CWC25: variants seen among roughly 807,000 people sequenced by gnomAD.
The protein encoded by CWC25 is CWC25 spliceosome associated protein, also known as pre-mRNA-splicing factor CWC25 homolog.
In CWC25, 31 loss-of-function variants were observed where a neutral mutation model predicts 54.6. That is an observed-to-expected ratio of 0.57 (90% confidence interval 0.43 to 0.77). The LOEUF (loss-of-function observed/expected upper bound fraction) is 0.77, where lower values mean the gene tolerates loss of function less well. Ranked by LOEUF, CWC25 falls within the 30% of genes least tolerant of loss-of-function variation. CWC25 has a pLI of 0.00. For missense variants in CWC25, 453 were observed against 529.3 expected, an observed-to-expected ratio of 0.86 and a Z score of 1.41; for synonymous variants, 151 against 187.0, an observed-to-expected ratio of 0.81 and a Z score of 1.57.
At chr17:38,814,675 G>A (rs1911624184) in intron 3 of CWC25, among the ~76,000 whole-genome samples, 186 bp downstream of exon 3, 1 of 139,592 alleles carries the variant, frequency 7.2e-6, no homozygotes, top group Non-Finnish European at 1.5e-5. Context: ...GAACCCGGCA[G>A]ACAGAGCTTG....
chr17:38,820,590 T>G (rs1911882728), intron 2 of CWC25, among the ~76,000 whole-genome samples: 1 of 152,188 alleles, frequency 6.6e-6, no homozygotes, highest in African/African-American at 2.4e-5. Flanking sequence ...CCATCCTCCA[T>G]CACGGTTATC....
intron 7 of CWC25, 104 bp from the exon 8 acceptor site, chr17:38,806,499 A>G: frequency 1.9e-6 from 2 of 1,033,574 alleles, no homozygotes; most frequent in Non-Finnish European, 1.4e-6. Flanking sequence ...TTAGAGGTAT[A>G]ATCTAAGTGT....
chr17:38,807,824 T>A (rs1424792049), intron 6 of CWC25, among the ~76,000 whole-genome samples: 1 of 128,640 alleles, frequency 7.8e-6, no homozygotes, highest in Non-Finnish European at 1.7e-5. Context: ...TTTGGGAGGC[T>A]GAGGCAGGCA....
chr17:38,812,513 G>C (rs1010144817), intron 4 of CWC25, among the ~76,000 whole-genome samples: 1 of 152,160 alleles, frequency 6.6e-6, no homozygotes, highest in African/African-American at 2.4e-5. Context: ...TGTAATCCCA[G>C]CTACTAGGGA....
At position 38,806,154 on chromosome 17, in the gene CWC25, G is replaced by A. The variant is rs555605529; in HGVS notation, c.1001+143C>T. On this transcript the variant is annotated intron_variant, in intron 8 of 9. Transcript: ENST00000614790. ...TGTCCTCACATGGCTGGAGGCAGGG[G>A]ACGCAGACCCTTACAGGTTGGCAAG... 1.5e-4 allele frequency: 106 copies of A among 709,438 alleles called. 1 individual carries two copies. Among genetic ancestry groups the A allele is most frequent in the South Asian group, 1.2e-3 (70 of 56,174 alleles). 43.9% of individuals were successfully genotyped at this position (709,438 alleles called of 1,614,324 possible).
intron 1 of CWC25, among the ~76,000 whole-genome samples, chr17:38,824,726 G>A (rs1429268523): frequency 6.6e-6 from 1 of 152,086 alleles, no homozygotes; most frequent in East Asian, 1.9e-4. Flanking sequence ...ATGGCTTAGG[G>A]TAGGGAGAAT....
At chr17:38,808,125 C>A (rs1911330894) in intron 6 of CWC25, among the ~76,000 whole-genome samples, 1 of 139,136 alleles carries the variant, frequency 7.2e-6, no homozygotes, top group Non-Finnish European at 1.6e-5. Context: ...TGGCTCACGC[C>A]TGTAATCCCA....
Position 38,811,942 on chromosome 17 carries a change from A to AT in CWC25, c.498+852dup, listed in dbSNP as rs376267806. 1.0e-2 allele frequency among the ~76,000 whole-genome samples: 1,455 copies of AT among 145,510 alleles called. 12 individuals are homozygous for AT. Among genetic ancestry groups the AT allele is most frequent in the Non-Finnish European group, 0.015 (980 of 65,830 alleles). ...ATGGTAAGTGGGCCCTAGAAGCCTT[A>AT]TTTTTTTTTTTTTGAGACAGAGTTT... On this transcript the variant is annotated intron_variant, in intron 4 of 9. Transcript: ENST00000614790.
At chr17:38,805,715 C>T (rs888904304) in intron 8 of CWC25, among the ~76,000 whole-genome samples, 1 of 152,162 alleles carries the variant, frequency 6.6e-6, no homozygotes, top group African/African-American at 2.4e-5. Flanking sequence ...TCACTGCAAC[C>T]TTAATCCCTT....
chr17:38,809,703 T>A lies in CWC25; in HGVS notation c.689A>T (p.Gln230Leu). Residue 230 changes from glutamine (Q) to leucine (L), a missense_variant and splice_region_variant, in exon 6 of 10, where the codon CAG becomes CTG. Coordinates refer to ENST00000614790, the MANE Select transcript of CWC25 (RefSeq NM_017748.5). Reference protein sequence around the residue: ...VLSKVPGYGLQVRNSDRNQGL... With the variant: ...VLSKVPGYGLLVRNSDRNQGL... ...CTTTCAAGAAGCCCACATCCCTACC[T>A]GTAAGCCATATCCAGGGACTTTGGA... 1 of 1,613,772 alleles carries A rather than the reference T, an allele frequency of 6.2e-7. No homozygotes were observed.
chr17:38,816,997 A>AT (rs71352315), intron 2 of CWC25, among the ~76,000 whole-genome samples: 51,784 of 150,884 alleles, frequency 0.34, 11,073 homozygotes, highest in African/African-American at 0.61. Context: ...ACCCTTTAGA[A>AT]TTTTTTTCAT....
In CWC25 at chr17:38,817,053, C is replaced by T. The variant is rs139331844; in HGVS notation, c.192-1956G>A. On this transcript the variant is annotated intron_variant, in intron 2 of 9. Transcript: ENST00000614790. ...AAACACTGTAGTCTACAGTTAAGAA[C>T]TGATCAGCTGGGCACGGTGGCTCAC... Among the ~76,000 whole-genome samples the T allele has an allele frequency of 4.7e-3, 711 of 151,062 alleles. 7 individuals carry two copies. The highest frequency in any genetic ancestry group is 0.017 in the African/African-American group (685 of 40,746).
intron 1 of CWC25, among the ~76,000 whole-genome samples, chr17:38,823,924 C>T (rs1912031567): frequency 6.6e-6 from 1 of 152,218 alleles, no homozygotes; most frequent in African/African-American, 2.4e-5. Flanking sequence ...GCCCAACTAC[C>T]ACCACTACCA....
At chr17:38,814,344 C>T (rs1911610863) in intron 3 of CWC25, among the ~76,000 whole-genome samples, 1 of 149,576 alleles carries the variant, frequency 6.7e-6, no homozygotes, top group African/African-American at 2.5e-5. Flanking sequence ...AATGCAGTGG[C>T]GTGATCTCGG....
At chr17:38,809,615 A>G in intron 6 of CWC25, 87 bp downstream of exon 6, 1 of 1,295,896 alleles carries the variant, frequency 7.7e-7, no homozygotes, top group Admixed American at 2.0e-5. Flanking sequence ...CCCAGGCTTC[A>G]CTGCCCACCT....
At chr17:38,804,989 C>A (rs1351708006) in intron 8 of CWC25, among the ~76,000 whole-genome samples, 1 of 152,014 alleles carries the variant, frequency 6.6e-6, no homozygotes, top group Non-Finnish European at 1.5e-5. Flanking sequence ...TGCCTGTAAT[C>A]CCAGCTACCT....
intron 6 of CWC25, among the ~76,000 whole-genome samples, chr17:38,808,450 T>C (rs1464510890): frequency 7.2e-6 from 1 of 138,982 alleles, no homozygotes; most frequent in Non-Finnish European, 1.6e-5. Context: ...AAGAGCGAGA[T>C]GCAGAAGCAT....
In CWC25 at chr17:38,801,766, G is replaced by A. The variant is rs1911035103; in HGVS notation, c.*326C>T. On this transcript the variant is annotated 3_prime_UTR_variant, in exon 10 of 10. Transcript: ENST00000614790. ...TACGCTGAGGCAGTGAAATAGGTCT[G>A]TTGGCACAGGTAAGAAGGAAGTGGC... 2 of 216,448 alleles carry A rather than the reference G, an allele frequency of 9.2e-6. No homozygotes were observed. Among genetic ancestry groups the A allele is most frequent in the East Asian group, 1.1e-4 (1 of 9,192 alleles). 13.4% of individuals were successfully genotyped at this position (216,448 alleles called of 1,614,324 possible).
chr17:38,819,230 T>C (rs552256658), intron 2 of CWC25, among the ~76,000 whole-genome samples: 1,702 of 149,326 alleles, frequency 0.011, 36 homozygotes, highest in Non-Finnish European at 0.018. Flanking sequence ...GACGAAGTCT[T>C]ACTCTGTCAC....
Sources: allele counts gnomAD v4.1 joint callset (sites outside exome capture counted in the v4.1 genomes callset), GRCh38; gene constraint gnomAD v4.1.1; transcripts MANE v1.5; gene names NCBI Gene and HGNC (gene_info 2026-07-23, HGNC 2026-07-21).